The following HLCS variants were observed in gnomAD, a reference collection of about 807,000 sequenced individuals.
HLCS encodes the protein holocarboxylase synthetase.
HLCS carries 53 observed loss-of-function variants against 75.0 expected under a neutral mutation model. That is an observed-to-expected ratio of 0.71 (90% confidence interval 0.57 to 0.89). The LOEUF is 0.89. Ranked by LOEUF, HLCS falls within the 40% of genes least tolerant of loss-of-function variation. HLCS has a pLI of 0.00. For synonymous variants in HLCS, 431 were observed against 428.6 expected (o/e 1.01, Z -0.07); for missense variants, 966 against 1,074.0 (o/e 0.90, Z 1.41).
chr21:36,935,021 G>A (rs1414540723), intron 4 of HLCS, among the ~76,000 whole-genome samples: 1 of 152,130 alleles, frequency 6.6e-6, no homozygotes, highest in African/African-American at 2.4e-5. Flanking sequence ...AATTTAAATG[G>A]TGCAGCAAGC....
intron 1 of HLCS, among the ~76,000 whole-genome samples, chr21:36,983,010 G>A (rs543297349): frequency 6.6e-6 from 1 of 151,902 alleles, no homozygotes; most frequent in Admixed American, 6.6e-5. Flanking sequence ...CTACAGCCTG[G>A]GCGACACAGC....
intron 6 of HLCS, among the ~76,000 whole-genome samples, chr21:36,830,283 C>T (rs1353608200): frequency 1.3e-5 from 2 of 152,172 alleles, no homozygotes; most frequent in African/African-American, 4.8e-5. Flanking sequence ...GTTGAAGCTA[C>T]CCCAGGCTGT....
At chr21:36,909,051 C>T (rs2081895444) in intron 5 of HLCS, among the ~76,000 whole-genome samples, 1 of 152,082 alleles carries the variant, frequency 6.6e-6, no homozygotes, top group African/African-American at 2.4e-5. Flanking sequence ...AAAAAATTAG[C>T]CGGGCGTGGT....
Position 36,823,604 on chromosome 21 carries a change from G to A in HLCS, c.1893-56319C>T, listed in dbSNP as rs1015574559. Among the ~76,000 whole-genome samples, 6 of 90,704 alleles carry A rather than the reference G, an allele frequency of 6.6e-5. No homozygotes were observed. The East Asian group carries it at 9.1e-4, about 14-fold the overall frequency. 59.5% of individuals were successfully genotyped at this position (90,704 alleles called of 152,430 possible). ...AACAGCCCATTTACCAGCTTCAAACGTGCAGGGTGTGTGTGTGTGTGTGTG... is the reference window on the plus strand; with the variant it reads ...AACAGCCCATTTACCAGCTTCAAACATGCAGGGTGTGTGTGTGTGTGTGTG... On this transcript the variant is annotated intron_variant, in intron 6 of 10. Transcript: ENST00000674895.
intron 2 of HLCS, chr21:36,946,190 C>T: frequency 3.2e-6 from 2 of 616,306 alleles, no homozygotes; most frequent in African/African-American, 4.0e-5. Flanking sequence ...AAATCTTAGA[C>T]ATTACAACAG....
chr21:36,834,230 T>G (rs1413233819), intron 6 of HLCS, among the ~76,000 whole-genome samples: 2 of 151,792 alleles, frequency 1.3e-5, no homozygotes, highest in Non-Finnish European at 2.9e-5. Flanking sequence ...GGAGTCACTA[T>G]ACTCACCTAA....
At chr21:36,967,461 C>A (rs1848808202), upstream of HLCS, among the ~76,000 whole-genome samples, 1 of 152,154 alleles carries the variant, frequency 6.6e-6, no homozygotes, top group Admixed American at 6.5e-5. Flanking sequence ...CATCCTAACA[C>A]CAGTGGGAAA....
chr21:36,919,414 T>C (rs188276945), intron 5 of HLCS, among the ~76,000 whole-genome samples: 2 of 152,354 alleles, frequency 1.3e-5, no homozygotes, highest in African/African-American at 4.8e-5. Context: ...TTTTGAGCAA[T>C]GTCCGAGATA....
At chr21:36,764,967 C>T in intron 8 of HLCS, 45 bp downstream of exon 8, 1 of 1,599,272 alleles carries the variant, frequency 6.3e-7, no homozygotes, top group African/African-American at 1.3e-5. Flanking sequence ...AAGCCAGATT[C>T]TGCATGCATC....
At chr21:36,985,202 T>C (rs1220569245) in intron 1 of HLCS, among the ~76,000 whole-genome samples, 1 of 152,242 alleles carries the variant, frequency 6.6e-6, no homozygotes, top group East Asian at 1.9e-4. Flanking sequence ...ATTTAGTCAA[T>C]TGTCCCAAAT....
rs1569221306 is a variant in HLCS, at chr21:36,938,888, G to A, written c.437C>T (p.Ala146Val). ...CATGTGGAGTCTATCTTCCATGAAC[G>A]CCACCCCCAGCTTGCTGAAGTTGTC... The part of the protein sequence containing the change: ...SVDNFSKLGV[A>V]FMEDRLHMDN... The change falls in exon 3 of 11, where the codon GCG becomes GTG. Residue 146 changes from alanine (A) to valine (V), a missense_variant. Transcript: ENST00000674895. 7.4e-6 allele frequency: 12 copies of A among 1,613,874 alleles called. No homozygotes were observed. The highest frequency in any genetic ancestry group is 2.2e-5 in the East Asian group (1 of 44,878).
chr21:36,964,967 G>A (rs1744064065), intron 1 of HLCS, among the ~76,000 whole-genome samples: 1 of 152,154 alleles, frequency 6.6e-6, no homozygotes, highest in Admixed American at 6.5e-5. Context: ...GCCATACATT[G>A]TATGTAATGC....
At chr21:36,825,265 C>T (rs763691307) in intron 6 of HLCS, among the ~76,000 whole-genome samples, 2 of 152,004 alleles carry the variant, frequency 1.3e-5, no homozygotes, top group African/African-American at 2.4e-5. Context: ...GGATGTGTCT[C>T]TGGTCCTGGC....
intron 6 of HLCS, among the ~76,000 whole-genome samples, chr21:36,873,122 T>C (rs553739900): frequency 1.6e-4 from 25 of 152,200 alleles, no homozygotes; most frequent in African/African-American, 5.8e-4. Flanking sequence ...CATTCTTCTT[T>C]TTTTTTGTTT....
intron 6 of HLCS, among the ~76,000 whole-genome samples, chr21:36,830,671 T>A (rs959074849): frequency 2.0e-4 from 30 of 151,620 alleles, no homozygotes; most frequent in Admixed American, 1.8e-3. Flanking sequence ...CGAAACCTTG[T>A]CTCTAAAAAA....
chr21:36,936,971 C>T lies in HLCS; in HGVS notation c.915G>A (p.Thr305=), dbSNP rs1000269533. ...AGAGGAGGATGTTGGGTGCCTTTCC[C>T]GTGAGGTTGACTCTCCTCCCTTCTC... ...PEREGRRVNL[T]GKAPNILLYV... Residue 305 remains threonine, a synonymous_variant, in exon 4 of 11, where the codon ACG becomes ACA. Transcript: ENST00000674895. The T allele has an allele frequency of 7.4e-6, 12 of 1,614,102 alleles. No individual in the cohort carries two copies. The Middle Eastern group carries it at 4.9e-4, about 67-fold the overall frequency.
At chr21:36,794,644 A>G (rs2060973349) in intron 6 of HLCS, among the ~76,000 whole-genome samples, 1 of 152,214 alleles carries the variant, frequency 6.6e-6, no homozygotes, top group Non-Finnish European at 1.5e-5. Flanking sequence ...AGGAAGCAAC[A>G]CTGAGCCTTT....
chr21:36,959,707 T>G (rs1027587542), intron 2 of HLCS, among the ~76,000 whole-genome samples: 2 of 152,204 alleles, frequency 1.3e-5, no homozygotes, highest in Non-Finnish European at 2.9e-5. Context: ...AGGCTGGGAC[T>G]ACCAGCTGCA....
chr21:36,847,760 A>T (rs1267915643), intron 6 of HLCS, among the ~76,000 whole-genome samples: 8 of 152,216 alleles, frequency 5.3e-5, no homozygotes, highest in Admixed American at 4.6e-4. Flanking sequence ...TTACAACAGC[A>T]ATACATATAA....
Sources: gnomAD v4.1 joint callset for allele counts (sites outside exome capture counted in the v4.1 genomes callset) on GRCh38, gnomAD v4.1.1 for gene constraint, MANE v1.5 for transcripts, NCBI Gene and HGNC (gene_info 2026-07-23, HGNC 2026-07-21) for gene names.